Variants in SLC12A5 observed in about 807,000 individuals in gnomAD.
The protein encoded by SLC12A5 is K-Cl cotransporter 2.
SLC12A5 carries 18 observed loss-of-function variants against 124.0 expected under a neutral mutation model. That is an observed-to-expected ratio of 0.15 (90% CI 0.10 to 0.22). SLC12A5 has a LOEUF of 0.22. Among genes scored for constraint, SLC12A5 ranks in the 10% least tolerant of loss-of-function variants. The probability of loss-of-function intolerance (pLI) is 1.00; values close to 1 mark genes in which losing one functional copy is unlikely to be tolerated. For synonymous variants in SLC12A5, 589 were observed against 568.0 expected (o/e 1.04, Z -0.53); for missense variants, 867 against 1,478.7 (o/e 0.59, Z 6.78).
In SLC12A5 at chr20:46,051,568, A is replaced by G. The variant is rs1327642402; in HGVS notation, c.2182-107A>G. ...ACGTGATCAGAGCTGAGCTTCAGGA[A>G]GATTGGGATGAAAGGAGGGGAGAGA... On this transcript the variant is annotated intron_variant, in intron 17 of 25. Coordinates refer to ENST00000243964, the MANE Select transcript of SLC12A5 (RefSeq NM_020708.5). 3 of 1,055,990 alleles carry G rather than the reference A, an allele frequency of 2.8e-6. No individual in the cohort carries two copies. In the East Asian group the frequency reaches 7.8e-5, roughly 27 times the overall value. The allele number at this position is 1,055,990 out of a possible 1,614,324, so 65.4% of individuals were successfully genotyped here.
chr20:46,044,717 G>T, intron 11 of SLC12A5: 1 of 523,464 alleles, frequency 1.9e-6, no homozygotes, highest in Non-Finnish European at 3.4e-6. Context: ...AGGGAATGCA[G>T]TGGGGGACGT....
Position 46,055,042 on chromosome 20 carries a change from G to T in SLC12A5, c.2787+19G>T, listed in dbSNP as rs1168038282. ...GCGGGAGGTGAGGTTGCCCTGGCTG[G>T]CCCCTGAGAGCCTCAAACTGCTGCC... On this transcript the variant is annotated intron_variant, in intron 21 of 25. Transcript: ENST00000243964. 1 of 1,586,138 alleles carries T rather than the reference G, an allele frequency of 6.3e-7. No individual in the cohort carries two copies. Among genetic ancestry groups the T allele is most frequent in the African/African-American group, 1.3e-5 (1 of 74,296 alleles).
At chr20:46,027,963 T>G (rs2084413665), upstream of SLC12A5, among the ~76,000 whole-genome samples, 1 of 152,178 alleles carries the variant, frequency 6.6e-6, no homozygotes, top group African/African-American at 2.4e-5. Flanking sequence ...AGAGAGCTAG[T>G]ACCAGTGTGA....
chr20:46,054,974 C>T lies in SLC12A5; in HGVS notation c.2738C>T (p.Ser913Phe), dbSNP rs536513910. 6.2e-7 allele frequency: 1 copy of T among 1,613,974 alleles called. No homozygotes were observed. The highest frequency in any genetic ancestry group is 8.5e-7 in the Non-Finnish European group (1 of 1,179,986). The change falls in exon 21 of 26, where the codon TCC becomes TTC. Residue 913 changes from serine (S) to phenylalanine (F), a missense_variant. Coordinates refer to ENST00000243964, the MANE Select transcript of SLC12A5 (RefSeq NM_020708.5). ...AAGACGTTGGTGATGGAGCAGCGTT[C>T]CCAGATCCTCAAACAGATGCATTTA... is the stretch of plus-strand genomic sequence containing the variant. ...YEKTLVMEQRSQILKQMHLTK... is the reference protein window; with the variant it reads ...YEKTLVMEQRFQILKQMHLTK...
intron 16 of SLC12A5, 23 bp downstream of exon 16, chr20:46,048,108 T>C (rs955151195): frequency 1.3e-6 from 2 of 1,585,198 alleles, no homozygotes; most frequent in East Asian, 2.3e-5. Context: ...GGCACGGGTG[T>C]GCATAAGAGT....
At chr20:46,049,878 C>G in intron 17 of SLC12A5, 88 bp downstream of exon 17, 2 of 1,401,766 alleles carry the variant, frequency 1.4e-6, no homozygotes, top group Non-Finnish European at 1.9e-6. Context: ...TTCCTCATCA[C>G]CTTCAGGATC....
chr20:46,036,817 G>A (rs1156786954), intron 5 of SLC12A5, 22 bp downstream of exon 5: 1 of 1,613,614 alleles, frequency 6.2e-7, no homozygotes, highest in Non-Finnish European at 8.5e-7. Flanking sequence ...GGGCTTTGTG[G>A]GGAGGGAGGA....
chr20:46,053,000 C>T lies in SLC12A5; in HGVS notation c.2421C>T (p.Val807=). 1 of 1,614,048 alleles carries T rather than the reference C, an allele frequency of 6.2e-7. No homozygotes were observed. The highest frequency in any genetic ancestry group is 1.7e-5 in the Admixed American group (1 of 60,010). The change falls in exon 19 of 26, where the codon GTC becomes GTT. Residue 807 remains valine (V), a synonymous_variant. Transcript: ENST00000243964. The part of the protein sequence containing the change: ...ETTAGHLALL[V]TKNVSMFPGN... Reference sequence around the variant, plus strand: ...CAGCTGGCCACTTAGCCCTGCTGGTCACCAAGAACGTTTCCATGTTTCCTG... The same window carrying T: ...CAGCTGGCCACTTAGCCCTGCTGGTTACCAAGAACGTTTCCATGTTTCCTG...
chr20:46,051,389 G>A (rs2084644985), intron 17 of SLC12A5, among the ~76,000 whole-genome samples: 2 of 152,262 alleles, frequency 1.3e-5, no homozygotes, highest in South Asian at 4.1e-4. Flanking sequence ...CTTGTGTCAG[G>A]GTGATGGTGG....
chr20:46,046,073 C>A, intron 13 of SLC12A5, 77 bp downstream of exon 13: 2 of 1,373,446 alleles, frequency 1.5e-6, no homozygotes, highest in South Asian at 1.2e-5. Context: ...TTACCTGTGA[C>A]AACCCACCCA....
At chr20:46,032,663 A>C (rs965784042) in intron 1 of SLC12A5, among the ~76,000 whole-genome samples, 3 of 152,202 alleles carry the variant, frequency 2.0e-5, no homozygotes, top group Admixed American at 6.5e-5. Context: ...GCTGAAAGTG[A>C]CGACACAGCC....
At chr20:46,030,528 A>C (rs1600587164) in intron 1 of SLC12A5, among the ~76,000 whole-genome samples, 6 of 20,446 alleles carry the variant, frequency 2.9e-4, no homozygotes, top group South Asian at 1.5e-3. Flanking sequence ...CCCACCCCCC[A>C]CTCTCCAGCG....
chr20:46,035,740 T>C (rs561188651), intron 3 of SLC12A5, 37 bp from the exon 4 acceptor site: 1 of 1,588,328 alleles, frequency 6.3e-7, no homozygotes, highest in Non-Finnish European at 8.6e-7. Flanking sequence ...TTCGTAATGA[T>C]GAGGACTGCA....
At position 46,053,206 on chromosome 20, in the gene SLC12A5, A is replaced by C; in HGVS notation, c.2547+80A>C. The stretch of plus-strand genomic sequence containing the variant: ...TTTGTGTGCATATGTGCACAACTGC[A>C]GGTCAGACTCAGGGGCTCTGGCCAG... On this transcript the variant is annotated intron_variant, in intron 19 of 25. Transcript: ENST00000243964. This position sits in a 1 kb window ranked among gnomAD's most constrained non-coding sequence, Gnocchi z 4.7. 6.8e-7 allele frequency: 1 copy of C among 1,468,514 alleles called. No homozygotes were observed. The highest frequency in any genetic ancestry group is 2.0e-5 in the Admixed American group (1 of 51,040). 91.0% of individuals were successfully genotyped at this position (1,468,514 alleles called of 1,614,324 possible). A position where few individuals can be genotyped will look rare whatever the true frequency, so the allele number is the denominator to read the frequency against.
chr20:46,043,061 G>A, intron 8 of SLC12A5, 92 bp from the exon 9 acceptor site: 1 of 1,256,784 alleles, frequency 8.0e-7, no homozygotes, highest in Non-Finnish European at 1.1e-6. Context: ...GGTTGATCTT[G>A]ACCCTGACTT....
chr20:46,029,891 CGCGCGCGT>C (rs1259591406), intron 1 of SLC12A5, among the ~76,000 whole-genome samples: 1 of 42,404 alleles, frequency 2.4e-5, no homozygotes, highest in Non-Finnish European at 4.6e-5. Context: ...TGTGTGTGTG[CGCGCGCGT>C]GCGTATGTGT....
intron 8 of SLC12A5, among the ~76,000 whole-genome samples, chr20:46,042,364 G>T (rs1006307329): frequency 6.6e-6 from 1 of 152,148 alleles, no homozygotes; most frequent in African/African-American, 2.4e-5. Context: ...GAGGCAGGGG[G>T]CCCAGGAAGG....
chr20:46,037,510 G>A, intron 6 of SLC12A5, 125 bp downstream of exon 6: 1 of 1,058,352 alleles, frequency 9.4e-7, no homozygotes, highest in South Asian at 2.1e-5. Flanking sequence ...TAAGGCCAAA[G>A]TCAGATGTGG....
chr20:46,048,062 G>C lies in SLC12A5; in HGVS notation c.1989G>C (p.Gly663=), dbSNP rs373648545. The change falls in exon 16 of 26, where the codon GGG becomes GGC. Residue 663 remains glycine (G), a synonymous_variant. Transcript: ENST00000243964. ...ARYALLRLEE[G]PPHTKNWRPQ... is the part of the protein sequence containing the mutation. ...ATGCCCTCTTACGCCTGGAGGAAGGGCCCCCACACACCAAGAACTGGAGGT... is the reference window on the plus strand; with the variant it reads ...ATGCCCTCTTACGCCTGGAGGAAGGCCCCCCACACACCAAGAACTGGAGGT... The C allele has an allele frequency of 3.8e-4, 609 of 1,612,344 alleles. No homozygotes were observed. Among genetic ancestry groups the C allele is most frequent in the Non-Finnish European group, 4.8e-4 (562 of 1,179,258 alleles).
Sources: gnomAD v4.1 joint callset for allele counts (sites outside exome capture counted in the v4.1 genomes callset) on GRCh38, gnomAD v4.1.1 for gene constraint, Gnocchi (gnomAD v3.1) non-coding constraint, MANE v1.5 for transcripts, NCBI Gene and HGNC (gene_info 2026-07-23, HGNC 2026-07-21) for gene names.